The following MYH7 variants were observed in gnomAD, a reference collection of about 807,000 sequenced individuals.
MYH7 encodes the protein myosin-7.
In MYH7, 129 loss-of-function variants were observed where a neutral mutation model predicts 225.4. The observed-to-expected ratio is 0.57, with a 90% CI of 0.50 to 0.66. The LOEUF (loss-of-function observed/expected upper bound fraction) is 0.66. Among genes scored for constraint, MYH7 ranks in the 30% least tolerant of loss-of-function variants. The probability of loss-of-function intolerance (pLI) is 0.00; values close to 1 mark genes in which losing one functional copy is unlikely to be tolerated. For synonymous variants in MYH7, 971 were observed against 1,007.6 expected (o/e 0.96, Z 0.69); for missense variants, 1,649 against 2,517.0 (o/e 0.66, Z 7.38).
At position 23,419,101 on chromosome 14, in the gene MYH7, G is replaced by A. The variant is rs991593081; in HGVS notation, c.3972+76C>T. On this transcript the variant is annotated intron_variant, in intron 29 of 39. Transcript: ENST00000355349. ...TGGTCCACAGCCAGCCTTATTGCTG[G>A]GAAGGGAAGTGATTTGATGCAAGGC... The A allele has an allele frequency of 1.7e-5, 22 of 1,266,904 alleles. No homozygotes were observed. The African/African-American group carries it at 3.1e-4, about 18-fold the overall frequency. 78.5% of individuals were successfully genotyped at this position (1,266,904 alleles called of 1,614,324 possible).
intron 25 of MYH7, 56 bp downstream of exon 25, chr14:23,422,124 G>A: frequency 6.2e-7 from 1 of 1,610,306 alleles, no homozygotes; most frequent in Non-Finnish European, 8.5e-7. Context: ...TCTTGGGTCT[G>A]CTTGTACTGT....
At chr14:23,424,684 T>A in intron 22 of MYH7, 85 bp downstream of exon 22, 1 of 1,599,234 alleles carries the variant, frequency 6.3e-7, no homozygotes. Context: ...AACAAGACAG[T>A]GAGCCCCTGT....
At position 23,415,497 on chromosome 14, in the gene MYH7, G is replaced by A. The variant is rs1566523027; in HGVS notation, c.5167C>T (p.Leu1723Phe). The A allele has an allele frequency of 6.2e-7, 1 of 1,614,078 alleles. No homozygotes were observed. The highest frequency in any genetic ancestry group is 1.3e-5 in the African/African-American group (1 of 74,922). ...VQLLHSQNTS[L>F]INQKKKMDAD... ...TCCATCTTCTTCTTCTGGTTGATGAGGCTGGTGTTCTGGGTTGGGGGAGGG... is the reference window on the plus strand; with the variant it reads ...TCCATCTTCTTCTTCTGGTTGATGAAGCTGGTGTTCTGGGTTGGGGGAGGG... Residue 1723 changes from leucine (L) to phenylalanine (F), a missense_variant, in exon 36 of 40, where the codon CTC becomes TTC. Leu to Phe is a conservative substitution (Grantham distance 22). Around this residue, in one of 12 missense-constraint regions of MYH7, gnomAD observed 687 missense variants for 913.8 expected, o/e 0.75. Transcript: ENST00000355349. This position sits in a 1 kb window ranked among gnomAD's most constrained non-coding sequence, Gnocchi z 6.3.
chr14:23,425,079 G>T lies in MYH7; in HGVS notation c.2424-55C>A, dbSNP rs1315764114. ...GCCTCCTGCCTCCTTCCTACCTGAG[G>T]TCCTGAAACCTTGGGAATATCCCAT... On this transcript the variant is annotated intron_variant, in intron 21 of 39. Transcript: ENST00000355349. This position sits in a 1 kb window ranked among gnomAD's most constrained non-coding sequence, Gnocchi z 4.6. 6.2e-7 allele frequency: 1 copy of T among 1,613,578 alleles called. No individual in the cohort carries two copies. The highest frequency in any genetic ancestry group is 1.3e-5 in the African/African-American group (1 of 75,016).
chr14:23,416,733 C>A (rs1158555153), intron 33 of MYH7, 135 bp downstream of exon 33: 8 of 1,378,824 alleles, frequency 5.8e-6, no homozygotes, highest in Non-Finnish European at 8.1e-6. Context: ...TCACTGAATG[C>A]CTACTATGTG....
chr14:23,434,488 C>G (rs1385965180), intron 1 of MYH7, among the ~76,000 whole-genome samples: 1 of 152,238 alleles, frequency 6.6e-6, no homozygotes, highest in East Asian at 1.9e-4. Context: ...ATCCTCTTCA[C>G]TCCTGCGAGA....
chr14:23,419,854 G>C lies in MYH7; in HGVS notation c.3717C>G (p.Ile1239Met). The C allele has an allele frequency of 6.2e-7, 1 of 1,613,888 alleles. No individual in the cohort carries two copies. Among genetic ancestry groups the C allele is most frequent in the Non-Finnish European group, 8.5e-7 (1 of 1,179,874 alleles). The change falls in exon 27 of 40, where the codon ATC becomes ATG. Residue 1239 changes from isoleucine to methionine, a missense_variant. Ile to Met is a conservative substitution (Grantham distance 10). This residue lies in a region of MYH7 where 106 missense variants were observed against 198.8 expected (regional missense o/e 0.53). Coordinates refer to ENST00000355349, the MANE Select transcript of MYH7 (RefSeq NM_000257.4). ...GCCGAGCAGAGCCTGCCTTGGCCTT[G>C]ATGATCTGCTCCATGTTGGAGGTGA... is the stretch of plus-strand genomic sequence containing the variant. ...DDVTSNMEQI[I>M]KAKANLEKMC...
intron 1 of MYH7, among the ~76,000 whole-genome samples, chr14:23,435,364 C>CCACACACA (rs3138591): frequency 7.9e-4 from 117 of 147,654 alleles, no homozygotes; most frequent in Middle Eastern, 3.6e-3. Context: ...GCAGGCTTGT[C>CCACACACA]CACACACACA....
Position 23,428,493 on chromosome 14 carries a change from G to C in MYH7, c.1578+7C>G, listed in dbSNP as rs1261966952. On this transcript the variant is annotated splice_region_variant and intron_variant, in intron 15 of 39. Transcript: ENST00000355349. ...GGAGAATTCAGGTGGTAAGGCCAAA[G>C]AGGCACCTTCTCGATGAGGTCAATG... 1.2e-6 allele frequency: 2 copies of C among 1,614,084 alleles called. No homozygotes were observed. Among genetic ancestry groups the C allele is most frequent in the African/African-American group, 2.7e-5 (2 of 74,926 alleles).
intron 29 of MYH7, 25 bp from the exon 30 acceptor site, chr14:23,418,431 G>A: frequency 1.3e-6 from 2 of 1,591,212 alleles, no homozygotes; most frequent in Non-Finnish European, 1.7e-6. Context: ...GCACCAGGAG[G>A]TGGGTTCAGC....
intron 30 of MYH7, 197 bp from the exon 31 acceptor site, chr14:23,417,883 C>T (rs1892291964): frequency 5.4e-6 from 5 of 919,692 alleles, no homozygotes; most frequent in Middle Eastern, 5.9e-4. Context: ...CACCCTCTGA[C>T]CCTGGCCCAG....
intron 26 of MYH7, among the ~76,000 whole-genome samples, chr14:23,420,737 A>C (rs1338118550): frequency 6.6e-6 from 1 of 152,176 alleles, no homozygotes; most frequent in Non-Finnish European, 1.5e-5. Flanking sequence ...ACAGGAAGCC[A>C]GGAATTCTGC....
chr14:23,418,838 T>G (rs1892343486), intron 29 of MYH7, among the ~76,000 whole-genome samples: 1 of 152,220 alleles, frequency 6.6e-6, no homozygotes. Flanking sequence ...GTTGAATTTC[T>G]TTCTCCAGTT....
rs797044598 is a variant in MYH7 at position 23,414,096 on chromosome 14, C to T, written c.5566G>A (p.Glu1856Lys). Residue 1856 changes from glutamate (E) to lysine (K), a missense_variant, in exon 38 of 40, where the codon GAG becomes AAG. Glu to Lys is a moderately conservative substitution (Grantham distance 56). This residue lies in a region of MYH7 where 687 missense variants were observed against 913.8 expected (regional missense o/e 0.75). Coordinates refer to ENST00000355349, the MANE Select transcript of MYH7 (RefSeq NM_000257.4). ...AGCCGCAGCAGGTTTTTCCTGTCCT[C>T]CTCCGTCTGGGGGCCAGAGGGTAGG... is the stretch of plus-strand genomic sequence containing the variant. ...RIKELTYQTE[E>K]DRKNLLRLQD... The T allele has an allele frequency of 1.2e-6, 2 of 1,612,696 alleles. No individual in the cohort carries two copies. Among genetic ancestry groups the T allele is most frequent in the Non-Finnish European group, 1.7e-6 (2 of 1,180,018 alleles).
At chr14:23,432,562 G>A (rs1729381468) in intron 5 of MYH7, 56 bp from the exon 6 acceptor site, 4 of 1,613,982 alleles carry the variant, frequency 2.5e-6, no homozygotes, top group East Asian at 2.2e-5. Context: ...GCTCTCGTGG[G>A]GCTTCTCCCT....
intron 26 of MYH7, among the ~76,000 whole-genome samples, chr14:23,420,443 A>G (rs1049594768): frequency 2.6e-5 from 4 of 152,174 alleles, no homozygotes; most frequent in African/African-American, 9.7e-5. Flanking sequence ...ATTGGAAGGA[A>G]AGTGGTTGAA....
chr14:23,432,826 A>G (rs573032575), intron 4 of MYH7, 31 bp from the exon 5 acceptor site: 3 of 1,613,944 alleles, frequency 1.9e-6, no homozygotes, highest in Non-Finnish European at 2.5e-6. Flanking sequence ...GTGACTTGCC[A>G]GTTGCGAAGG....
intron 5 of MYH7, 52 bp from the exon 6 acceptor site, chr14:23,432,558 G>T (rs1194797823): frequency 1.9e-6 from 3 of 1,613,994 alleles, no homozygotes; most frequent in Non-Finnish European, 8.5e-7. Context: ...GGATGCTCTC[G>T]TGGGGCTTCT....
rs1892281982 is a variant in MYH7 at position 23,417,693 on chromosome 14, AG to A, written c.4170-8del. The A allele has an allele frequency of 6.2e-7, 1 of 1,612,094 alleles. No individual in the cohort carries two copies. Among genetic ancestry groups the A allele is most frequent in the South Asian group, 1.1e-5 (1 of 90,996 alleles). On this transcript the variant is annotated splice_region_variant and splice_polypyrimidine_tract_variant and intron_variant, in intron 30 of 39. Transcript: ENST00000355349. ...CCGCTGGGCCAGCTTCTTCCTGCCC[AG>A]GGGAGGGTGGCAGAGGGTGGGGAGG...
Sources: allele counts gnomAD v4.1 joint callset (sites outside exome capture counted in the v4.1 genomes callset), GRCh38; gene constraint gnomAD v4.1.1; regional missense constraint gnomAD v4.1.1; non-coding constraint Gnocchi (gnomAD v3.1); transcripts MANE v1.5; gene names NCBI Gene and HGNC (gene_info 2026-07-23, HGNC 2026-07-21).